The following ELAVL2 variants were observed in gnomAD, a reference collection of about 807,000 sequenced individuals.
ELAVL2 encodes ELAV-like protein 2.
A neutral mutation model predicts 34.6 loss-of-function variants in ELAVL2; 4 were observed. The observed-to-expected ratio is 0.12, with a 90% CI of 0.06 to 0.26. The LOEUF is 0.26. ELAVL2 is among the 10% of genes least tolerant of loss of function. The pLI, the probability that ELAVL2 is intolerant of heterozygous loss-of-function variation, is 1.00. For missense variants in ELAVL2, 432 were observed against 442.8 expected (o/e 0.98, Z 0.22); for synonymous variants, 193 against 154.8 (o/e 1.25, Z -1.83).
At chr9:23,768,688 A>G (rs2056768759) in intron 1 of ELAVL2, among the ~76,000 whole-genome samples, 2 of 152,182 alleles carry the variant, frequency 1.3e-5, no homozygotes, top group South Asian at 4.1e-4. Flanking sequence ...TTTTTATTTC[A>G]ACAATCTATC....
At chr9:23,731,610 C>T (rs577187912) in intron 2 of ELAVL2, among the ~76,000 whole-genome samples, 2 of 152,092 alleles carry the variant, frequency 1.3e-5, no homozygotes, top group Non-Finnish European at 2.9e-5. Context: ...ATGTCGGAGT[C>T]TAAAATGGTG....
chr9:23,722,691 ACATTTCTGATGCTT>A (rs1254074885), intron 3 of ELAVL2, among the ~76,000 whole-genome samples: 1 of 152,268 alleles, frequency 6.6e-6, no homozygotes, highest in African/African-American at 2.4e-5. Context: ...ACATGATACT[ACATTTCTGATGCTT>A]ATTAGCTATT....
At chr9:23,800,276 A>C (rs1286839374) in intron 1 of ELAVL2, among the ~76,000 whole-genome samples, 1 of 152,180 alleles carries the variant, frequency 6.6e-6, no homozygotes, top group Non-Finnish European at 1.5e-5. Flanking sequence ...GAGGTGTAAC[A>C]ATCAAGTCCT....
At chr9:23,809,191 C>A (rs568696976) in intron 1 of ELAVL2, among the ~76,000 whole-genome samples, 2 of 152,250 alleles carry the variant, frequency 1.3e-5, no homozygotes, top group Admixed American at 1.3e-4. Context: ...CAATTTTATA[C>A]CAGAGGCACC....
At chr9:23,756,930 C>G (rs903175872) in intron 2 of ELAVL2, among the ~76,000 whole-genome samples, 2 of 152,062 alleles carry the variant, frequency 1.3e-5, no homozygotes, top group Admixed American at 1.3e-4. Context: ...TTCTAGCACT[C>G]ATTACAAGTG....
rs150213035 is a variant in ELAVL2, at chr9:23,745,033, C to G, written c.230-13908G>C. On this transcript the variant is annotated intron_variant, in intron 2 of 6. Transcript: ENST00000397312. ...TAGCCTAGGCAACAATAGGGAGAAC[C>G]TGTCTCTACAAAATATATAAATTAG... Among the ~76,000 whole-genome samples, 134 of 152,126 alleles carry G rather than the reference C, an allele frequency of 8.8e-4. No individual in the cohort carries two copies. The Middle Eastern group carries it at 0.01, about 12-fold the overall frequency.
At chr9:23,699,423 A>C (rs1305893985) in intron 5 of ELAVL2, among the ~76,000 whole-genome samples, 2 of 152,186 alleles carry the variant, frequency 1.3e-5, no homozygotes, top group Admixed American at 1.3e-4. Context: ...CTGGAAAAAA[A>C]AAGTAGCTAA....
At chr9:23,845,970 T>C in the ELAVL2 span, among the ~76,000 whole-genome samples, 11 of 151,868 alleles carry the variant, frequency 7.2e-5, no homozygotes, top group African/African-American at 1.7e-4. Context: ...CATTTTTTCA[T>C]TGTTACTTAA....
chr9:23,713,096 G>A (rs545136614), intron 3 of ELAVL2, among the ~76,000 whole-genome samples: 1 of 152,282 alleles, frequency 6.6e-6, no homozygotes, highest in South Asian at 2.1e-4. Context: ...GCCCTGACAG[G>A]CATCTCGTTT....
chr9:23,757,772 T>TA (rs1564311152), intron 2 of ELAVL2, among the ~76,000 whole-genome samples: 4 of 152,018 alleles, frequency 2.6e-5, no homozygotes, highest in African/African-American at 9.7e-5. Context: ...AAATAGAACT[T>TA]AGTCTAGAGA....
intron 2 of ELAVL2, among the ~76,000 whole-genome samples, chr9:23,739,582 CT>C (rs763906906): frequency 3.4e-4 from 50 of 147,078 alleles, no homozygotes; most frequent in Non-Finnish European, 5.7e-4. Context: ...CTTATATTAT[CT>C]GCTTTATCTT....
intron 2 of ELAVL2, among the ~76,000 whole-genome samples, chr9:23,743,753 T>C (rs1178482703): frequency 1.3e-5 from 2 of 152,188 alleles, no homozygotes; most frequent in African/African-American, 4.8e-5. Flanking sequence ...GTTAAAAAAA[T>C]CTTATTCAAC....
chr9:23,840,871 G>C, the ELAVL2 span, among the ~76,000 whole-genome samples: 1 of 152,012 alleles, frequency 6.6e-6, no homozygotes. Flanking sequence ...CCTACTTCAA[G>C]TATGCACTCT....
chr9:23,749,489 G>A (rs983596731), intron 2 of ELAVL2, among the ~76,000 whole-genome samples: 1 of 151,990 alleles, frequency 6.6e-6, no homozygotes, highest in African/African-American at 2.4e-5. Context: ...ATACGCAGAT[G>A]GGCTAAATTA....
intron 5 of ELAVL2, among the ~76,000 whole-genome samples, chr9:23,695,449 T>G (rs545390981): frequency 2.6e-4 from 39 of 152,232 alleles, no homozygotes; most frequent in African/African-American, 7.5e-4. Flanking sequence ...AGATGAGTTT[T>G]CAGAATTTTC....
Position 23,697,569 on chromosome 9 carries a change from C to T in ELAVL2, c.713+3810G>A, listed in dbSNP as rs117512018. Among the ~76,000 whole-genome samples the T allele has an allele frequency of 5.3e-4, 81 of 152,198 alleles. 6 individuals carry two copies. In the East Asian group the frequency reaches 0.015, roughly 29 times the overall value. On this transcript the variant is annotated intron_variant, in intron 5 of 6. Transcript: ENST00000397312. ...ACATATGTAATTTATGAAAAAGGCA[C>T]ATAGGAGAGAGATGTGTATAAACAT...
At chr9:23,750,358 A>G (rs2051626796) in intron 2 of ELAVL2, among the ~76,000 whole-genome samples, 1 of 147,988 alleles carries the variant, frequency 6.8e-6, no homozygotes, top group Non-Finnish European at 1.5e-5. Context: ...ATCGGTATTA[A>G]CAATTCTGTA....
At chr9:23,725,808 G>T (rs1209799224) in intron 3 of ELAVL2, among the ~76,000 whole-genome samples, 1 of 152,114 alleles carries the variant, frequency 6.6e-6, no homozygotes, top group Non-Finnish European at 1.5e-5. Flanking sequence ...CAATAAACAT[G>T]AATTTGTTTA....
At chr9:23,758,811 G>C (rs2054193084) in intron 2 of ELAVL2, among the ~76,000 whole-genome samples, 1 of 152,046 alleles carries the variant, frequency 6.6e-6, no homozygotes, top group South Asian at 2.1e-4. Flanking sequence ...TTAATACAGT[G>C]ATTATCGAGT....
Sources: allele counts gnomAD v4.1 joint callset (sites outside exome capture counted in the v4.1 genomes callset), GRCh38; gene constraint gnomAD v4.1.1; transcripts MANE v1.5; gene names NCBI Gene and HGNC (gene_info 2026-07-23, HGNC 2026-07-21).